Variants in NEK11 observed in about 807,000 individuals in gnomAD.
NEK11 encodes the protein serine/threonine-protein kinase Nek11.
Under a neutral mutation model 80.7 loss-of-function variants are expected in NEK11, and 72 were observed. That is an observed-to-expected ratio of 0.89 (90% CI 0.74 to 1.08). NEK11 has a LOEUF of 1.08. Among genes scored for constraint, NEK11 ranks in the 50% least tolerant of loss-of-function variants. NEK11 has a pLI of 0.00. For missense variants in NEK11, 764 were observed against 763.6 expected (o/e 1.00, Z -0.01); for synonymous variants, 251 against 260.7 (o/e 0.96, Z 0.36).
intron 5 of NEK11, among the ~76,000 whole-genome samples, chr3:131,127,993 A>G (rs944535160): frequency 6.6e-6 from 1 of 152,238 alleles, no homozygotes; most frequent in Non-Finnish European, 1.5e-5. Context: ...CTGATTAAAA[A>G]TTTAAAATAA....
intron 17 of NEK11, among the ~76,000 whole-genome samples, chr3:131,339,252 T>G (rs2097249569): frequency 6.6e-6 from 1 of 152,220 alleles, no homozygotes; most frequent in Non-Finnish European, 1.5e-5. Flanking sequence ...TTTTACTTCA[T>G]TTTTTCAACA....
chr3:131,302,681 T>A (rs1046671314), intron 17 of NEK11, among the ~76,000 whole-genome samples: 2 of 152,196 alleles, frequency 1.3e-5, no homozygotes, highest in Non-Finnish European at 2.9e-5. Context: ...CCTTAGAGAT[T>A]TCTGTTTTTA....
intron 14 of NEK11, among the ~76,000 whole-genome samples, chr3:131,176,107 TTGGGGG>T (rs2092998327): frequency 6.6e-6 from 1 of 152,082 alleles, no homozygotes; most frequent in South Asian, 2.1e-4. Context: ...GTCTTTATAG[TTGGGGG>T]TGGAGGTGCA....
intron 3 of NEK11, among the ~76,000 whole-genome samples, chr3:131,066,840 CAA>C (rs56140132): frequency 1.5e-4 from 15 of 99,706 alleles, no homozygotes; most frequent in Non-Finnish European, 1.1e-4. Context: ...AGACTTGTCT[CAA>C]AAAAAAAAAA....
intron 10 of NEK11, among the ~76,000 whole-genome samples, chr3:131,160,341 C>T (rs888495507): frequency 1.3e-5 from 2 of 152,078 alleles, no homozygotes; most frequent in African/African-American, 4.8e-5. Flanking sequence ...GCTTCATAAG[C>T]GAAGGAGAAA....
At chr3:131,253,214 G>C (rs974793823) in intron 16 of NEK11, among the ~76,000 whole-genome samples, 5 of 152,146 alleles carry the variant, frequency 3.3e-5, no homozygotes, top group African/African-American at 1.2e-4. Flanking sequence ...TTTTGTGAAA[G>C]TACCAGGGAA....
chr3:131,140,761 G>A (rs1203648518), intron 7 of NEK11, among the ~76,000 whole-genome samples: 1 of 152,182 alleles, frequency 6.6e-6, no homozygotes, highest in African/African-American at 2.4e-5. Flanking sequence ...TGTTTGATGG[G>A]TAGAACCCAA....
At chr3:131,060,905 A>G (rs2070733816) in intron 3 of NEK11, among the ~76,000 whole-genome samples, 1 of 152,176 alleles carries the variant, frequency 6.6e-6, no homozygotes, top group Non-Finnish European at 1.5e-5. Context: ...ATAACTAAAG[A>G]GACTGAGTAG....
intron 17 of NEK11, among the ~76,000 whole-genome samples, chr3:131,335,347 A>T (rs1443607785): frequency 2.0e-5 from 3 of 152,250 alleles, no homozygotes; most frequent in Non-Finnish European, 4.4e-5. Flanking sequence ...CCAGCATATA[A>T]ATGGAACCAA....
At chr3:131,073,308 T>C (rs2073767612) in intron 3 of NEK11, among the ~76,000 whole-genome samples, 1 of 152,218 alleles carries the variant, frequency 6.6e-6, no homozygotes, top group Non-Finnish European at 1.5e-5. Flanking sequence ...TTTTTGTTTA[T>C]CCTCTTCTGC....
chr3:131,097,710 T>A (rs1162705923), intron 4 of NEK11, among the ~76,000 whole-genome samples: 1 of 150,870 alleles, frequency 6.6e-6, no homozygotes, highest in Non-Finnish European at 1.5e-5. Context: ...AGAATCAATA[T>A]CGTGAAAATG....
chr3:131,130,357 A>G (rs1423859047), intron 5 of NEK11, among the ~76,000 whole-genome samples: 1 of 152,020 alleles, frequency 6.6e-6, no homozygotes, highest in Admixed American at 6.5e-5. Context: ...TGGATTTTCT[A>G]CTTAGCTGAT....
intron 5 of NEK11, among the ~76,000 whole-genome samples, chr3:131,128,553 G>A (rs570833212): frequency 5.9e-5 from 9 of 152,172 alleles, no homozygotes; most frequent in South Asian, 4.1e-4. Context: ...TAACCATTCC[G>A]CTACTGAAGG....
chr3:131,198,384 T>G (rs1179697821), intron 14 of NEK11, among the ~76,000 whole-genome samples: 1 of 152,206 alleles, frequency 6.6e-6, no homozygotes, highest in East Asian at 1.9e-4. Flanking sequence ...CTGGAAGAAA[T>G]GTGGCTGGGT....
At chr3:131,121,809 T>C (rs893222918) in intron 5 of NEK11, among the ~76,000 whole-genome samples, 2 of 152,188 alleles carry the variant, frequency 1.3e-5, no homozygotes, top group South Asian at 4.1e-4. Context: ...AATCTCCTGG[T>C]GTGCCATTTG....
chr3:131,232,712 T>C (rs2095354293), intron 15 of NEK11, among the ~76,000 whole-genome samples: 1 of 152,204 alleles, frequency 6.6e-6, no homozygotes, highest in Admixed American at 6.5e-5. Flanking sequence ...GGCCTGAGAT[T>C]CTGCTGAGGA....
chr3:131,040,497 T>G (rs1458313218), intron 3 of NEK11, among the ~76,000 whole-genome samples: 1 of 152,190 alleles, frequency 6.6e-6, no homozygotes, highest in East Asian at 1.9e-4. Context: ...ACCTTAACAA[T>G]TGTGTTTAGA....
Position 131,341,393 on chromosome 3 carries a change from G to C in NEK11, c.1719-8164G>C, listed in dbSNP as rs1561638128. ...ACAATTTTATTGTGGTCAGACACTAGATTTTATATGAAACCAATTATTCAG... is the reference window on the plus strand; with the variant it reads ...ACAATTTTATTGTGGTCAGACACTACATTTTATATGAAACCAATTATTCAG... On this transcript the variant is annotated intron_variant, in intron 17 of 17. Transcript: ENST00000383366. Among the ~76,000 whole-genome samples, 3 of 152,254 alleles carry C rather than the reference G, an allele frequency of 2.0e-5. No homozygotes were observed. The East Asian group carries it at 5.8e-4, about 29-fold the overall frequency.
At chr3:131,291,534 T>C (rs1454670029) in intron 17 of NEK11, among the ~76,000 whole-genome samples, 1 of 152,200 alleles carries the variant, frequency 6.6e-6, no homozygotes, top group Non-Finnish European at 1.5e-5. Flanking sequence ...CCAAACTGTC[T>C]TCCAAAATGG....
Sources: allele counts gnomAD v4.1 joint callset (sites outside exome capture counted in the v4.1 genomes callset), GRCh38; gene constraint gnomAD v4.1.1; transcripts MANE v1.5; gene names NCBI Gene and HGNC (gene_info 2026-07-23, HGNC 2026-07-21).